CNN2: variants seen among roughly 807,000 people sequenced by gnomAD.
The protein encoded by CNN2 is calponin-2.
A neutral mutation model predicts 31.0 loss-of-function variants in CNN2; 21 were observed. The ratio of observed to expected loss-of-function variants is 0.68; its 90% CI spans 0.48 to 0.98. The LOEUF (loss-of-function observed/expected upper bound fraction) is 0.98. Among genes scored for constraint, CNN2 ranks in the 50% least tolerant of loss-of-function variants. CNN2 has a pLI of 0.00. For synonymous variants in CNN2, 165 were observed against 179.6 expected (o/e 0.92, Z 0.65); for missense variants, 399 against 427.3 (o/e 0.93, Z 0.58).
At chr19:1,028,737 G>A (rs1445424081) in intron 1 of CNN2, among the ~76,000 whole-genome samples, 5 of 152,174 alleles carry the variant, frequency 3.3e-5, no homozygotes, top group Admixed American at 3.3e-4. Flanking sequence ...AGCGGCTGGG[G>A]GTGGGGCCAG....
chr19:1,026,957 T>TG, intron 1 of CNN2: 2 of 485,904 alleles, frequency 4.1e-6, no homozygotes, highest in Non-Finnish European at 3.7e-6. Context: ...GAGTGACCCA[T>TG]TCCCCCCCCC....
chr19:1,036,089 C>A, intron 4 of CNN2, 41 bp from the exon 5 acceptor site: 1 of 1,553,104 alleles, frequency 6.4e-7, no homozygotes. Flanking sequence ...GGGTCCCTGG[C>A]TGCCCTCTGC....
chr19:1,026,885 G>T, intron 1 of CNN2, 161 bp downstream of exon 1: 1 of 664,290 alleles, frequency 1.5e-6, no homozygotes, highest in Non-Finnish European at 2.5e-6. Flanking sequence ...GGGGATGTCT[G>T]CGGGCACCCC....
chr19:1,037,563 C>T, intron 6 of CNN2, 62 bp from the exon 7 acceptor site: 2 of 1,572,140 alleles, frequency 1.3e-6, no homozygotes, highest in Non-Finnish European at 1.7e-6. Flanking sequence ...TGAGCCAGTG[C>T]ACCCAGTGAA....
At chr19:1,036,023 G>A in intron 4 of CNN2, 107 bp from the exon 5 acceptor site, 3 of 1,447,304 alleles carry the variant, frequency 2.1e-6, no homozygotes, top group Middle Eastern at 1.8e-4. Context: ...CTGCGCGGCA[G>A]GCAGAGGTGA....
rs1032975938 is a variant in CNN2 at position 1,038,956 on chromosome 19, T to A, written c.*1056T>A. On this transcript the variant is annotated 3_prime_UTR_variant, in exon 7 of 7. Transcript: ENST00000263097. Reference sequence around the variant, plus strand: ...TACTGCTCCATCTTCCCCGGCCACATGCCCCGCCAAGTACTGCACAGGGAC... The same window carrying A: ...TACTGCTCCATCTTCCCCGGCCACAAGCCCCGCCAAGTACTGCACAGGGAC... 2 of 152,428 alleles carry A rather than the reference T, an allele frequency of 1.3e-5. No homozygotes were observed. Among genetic ancestry groups the A allele is most frequent in the African/African-American group, 4.8e-5 (2 of 41,448 alleles). 9.4% of individuals were successfully genotyped at this position (152,428 alleles called of 1,614,324 possible).
chr19:1,036,283 A>ATTGGGGGACCACGGTG (rs750398527), intron 5 of CNN2, 37 bp downstream of exon 5: 16 of 1,568,192 alleles, frequency 1.0e-5, no homozygotes, highest in Non-Finnish European at 1.4e-5. Context: ...GGACCACGGC[A>ATTGGGGGACCACGGTG]TTGGGGGACC....
chr19:1,030,334 A>G (rs2039467042), intron 1 of CNN2, among the ~76,000 whole-genome samples: 1 of 152,182 alleles, frequency 6.6e-6, no homozygotes, highest in South Asian at 2.1e-4. Flanking sequence ...GTTGCTAAGA[A>G]GCAGGATGGG....
At chr19:1,032,944 A>G in intron 4 of CNN2, 1 of 407,148 alleles carries the variant, frequency 2.5e-6, no homozygotes, top group Non-Finnish European at 4.6e-6. Flanking sequence ...ACGCCTGGCT[A>G]ATTTTTGTAT....
At chr19:1,026,833 AC>A in intron 1 of CNN2, 109 bp downstream of exon 1, 4 of 1,084,764 alleles carry the variant, frequency 3.7e-6, no homozygotes, top group Non-Finnish European at 5.1e-6. Context: ...GAGCTTGGAG[AC>A]CCGGGGCGGA....
chr19:1,027,301 TCTGA>T (rs2039414954), intron 1 of CNN2, among the ~76,000 whole-genome samples: 1 of 152,194 alleles, frequency 6.6e-6, no homozygotes. Flanking sequence ...TTGTCTCCCA[TCTGA>T]CTAATTTAAA....
At chr19:1,036,102 G>C (rs759407677) in intron 4 of CNN2, 28 bp from the exon 5 acceptor site, 19 of 1,566,920 alleles carry the variant, frequency 1.2e-5, no homozygotes, top group Non-Finnish European at 1.4e-5. Flanking sequence ...CCCTCTGCTG[G>C]TACTCCCGGC....
At chr19:1,033,310 G>C (rs1008797017) in intron 4 of CNN2, among the ~76,000 whole-genome samples, 1 of 151,812 alleles carries the variant, frequency 6.6e-6, no homozygotes, top group Non-Finnish European at 1.5e-5. Flanking sequence ...TTGACACCAG[G>C]AGTTCGAGAC....
Position 1,037,810 on chromosome 19 carries a change from C to T in CNN2, c.840C>T (p.Ala280=), listed in dbSNP as rs144570484. 6,513 of 1,606,906 alleles carry T rather than the reference C, an allele frequency of 4.1e-3. 19 individuals are homozygous for T. Among genetic ancestry groups the T allele is most frequent in the Middle Eastern group, 5.7e-3 (26 of 4,532 alleles). The change falls in exon 7 of 7, where the codon GCC becomes GCT. Residue 280 remains alanine, a synonymous_variant. Coordinates refer to ENST00000263097, the MANE Select transcript of CNN2 (RefSeq NM_004368.4). ...DPKYCPQGTV[A]DGAPSGTGDC... Reference sequence around the variant, plus strand: ...AGTACTGCCCGCAAGGCACAGTGGCCGATGGGGCTCCCTCGGGCACCGGCG... The same window carrying T: ...AGTACTGCCCGCAAGGCACAGTGGCTGATGGGGCTCCCTCGGGCACCGGCG...
chr19:1,038,069 T>A lies in CNN2; in HGVS notation c.*169T>A. The stretch of plus-strand genomic sequence containing the variant: ...CAGCAGAGCTTTTTTCCCCTTTGCC[T>A]TGATCCTTCGCAAGGCTGAGCCACT... On this transcript the variant is annotated 3_prime_UTR_variant, in exon 7 of 7. Transcript: ENST00000263097. 1 of 712,088 alleles carries A rather than the reference T, an allele frequency of 1.4e-6. No homozygotes were observed. The highest frequency in any genetic ancestry group is 2.2e-6 in the Non-Finnish European group (1 of 446,650). 44.1% of individuals were successfully genotyped at this position (712,088 alleles called of 1,614,324 possible).
intron 1 of CNN2, among the ~76,000 whole-genome samples, chr19:1,028,909 T>C (rs2039443869): frequency 6.6e-6 from 1 of 152,148 alleles, no homozygotes; most frequent in South Asian, 2.1e-4. Flanking sequence ...GAGCTGGTAC[T>C]GGGGGGCCTC....
chr19:1,026,957 T>G, intron 1 of CNN2: 2 of 485,904 alleles, frequency 4.1e-6, no homozygotes, highest in African/African-American at 2.1e-5. Flanking sequence ...GAGTGACCCA[T>G]TCCCCCCCCC....
At chr19:1,027,649 GGGTTGT>G (rs1241189178) in intron 1 of CNN2, among the ~76,000 whole-genome samples, 1 of 152,176 alleles carries the variant, frequency 6.6e-6, no homozygotes, top group Non-Finnish European at 1.5e-5. Context: ...TGGGGGGCGG[GGGTTGT>G]GATGCGAGAC....
intron 2 of CNN2, among the ~76,000 whole-genome samples, chr19:1,031,967 C>G (rs1321160177): frequency 1.3e-5 from 2 of 151,834 alleles, no homozygotes; most frequent in Non-Finnish European, 2.9e-5. Context: ...TGGTGGCTCA[C>G]GCTTGTAATC....
Sources: gnomAD v4.1 joint callset for allele counts (sites outside exome capture counted in the v4.1 genomes callset) on GRCh38, gnomAD v4.1.1 for gene constraint, MANE v1.5 for transcripts, NCBI Gene and HGNC (gene_info 2026-07-23, HGNC 2026-07-21) for gene names.